The following PALM2AKAP2 variants were observed in gnomAD, a reference collection of about 807,000 sequenced individuals.
PALM2AKAP2 encodes the protein PALM2 and AKAP2 fusion.
In PALM2AKAP2, 37 loss-of-function variants were observed where a neutral mutation model predicts 71.5. That is an observed-to-expected ratio of 0.52 (90% CI 0.40 to 0.68). PALM2AKAP2 has a LOEUF of 0.68. Among genes scored for constraint, PALM2AKAP2 ranks in the 30% least tolerant of loss-of-function variants. The pLI is 0.00. For synonymous variants in PALM2AKAP2, 468 were observed against 478.8 expected (o/e 0.98, Z 0.29); for missense variants, 1,224 against 1,191.8 (o/e 1.03, Z -0.40).
At chr9:109,942,840 A>T (rs1262538823) in intron 6 of PALM2AKAP2, 2 of 1,614,212 alleles carry the variant, frequency 1.2e-6, no homozygotes, top group Admixed American at 1.7e-5. Context: ...TGCGCTCAGG[A>T]GGCACCGTAG....
chr9:109,960,651 C>T lies in PALM2AKAP2; in HGVS notation c.496+28623C>T, dbSNP rs73657315. Reference sequence around the variant, plus strand: ...AAAGATGTAATGCTATCTTTTGGCTCCCAAGAGTCAGTAGGAAGGATGGGA... The same window carrying T: ...AAAGATGTAATGCTATCTTTTGGCTTCCAAGAGTCAGTAGGAAGGATGGGA... On this transcript the variant is annotated intron_variant, in intron 6 of 9. Coordinates refer to the PALM2AKAP2 transcript ENST00000302798. Among the ~76,000 whole-genome samples, 497 of 152,222 alleles carry T rather than the reference C, an allele frequency of 3.3e-3. 4 individuals are homozygous for T. Among genetic ancestry groups the T allele is most frequent in the African/African-American group, 0.011 (466 of 41,516 alleles).
intron 1 of PALM2AKAP2, among the ~76,000 whole-genome samples, chr9:110,053,575 GA>G (rs1202321273): frequency 7.0e-6 from 1 of 142,054 alleles, no homozygotes; most frequent in Non-Finnish European, 1.6e-5. Flanking sequence ...GAAAGAAAAA[GA>G]AAAAAAGAGA....
intron 6 of PALM2AKAP2, among the ~76,000 whole-genome samples, chr9:109,997,015 C>G (rs115599740): frequency 0.014 from 2,081 of 152,014 alleles, 50 homozygotes; most frequent in African/African-American, 0.048. Flanking sequence ...GTGGTGAGAC[C>G]CCATCTCTAC....
At chr9:110,089,624 A>G (rs998165896) in intron 1 of PALM2AKAP2, among the ~76,000 whole-genome samples, 3 of 152,234 alleles carry the variant, frequency 2.0e-5, no homozygotes, top group Non-Finnish European at 4.4e-5. Context: ...TTAGGAGGCT[A>G]GAATTGTATT....
intron 7 of PALM2AKAP2, among the ~76,000 whole-genome samples, chr9:110,031,531 A>G (rs528953065): frequency 6.6e-6 from 1 of 152,284 alleles, no homozygotes; most frequent in South Asian, 2.1e-4. Context: ...AGAACTTCCC[A>G]TGTGTCAGGT....
intron 1 of PALM2AKAP2, among the ~76,000 whole-genome samples, chr9:109,770,053 C>T (rs920055263): frequency 1.3e-5 from 2 of 152,114 alleles, no homozygotes; most frequent in Non-Finnish European, 2.9e-5. Flanking sequence ...CTTTTCTGTG[C>T]CATCAACAGT....
intron 7 of PALM2AKAP2, among the ~76,000 whole-genome samples, chr9:110,042,317 T>C (rs1192715648): frequency 2.0e-5 from 3 of 152,116 alleles, no homozygotes; most frequent in Non-Finnish European, 2.9e-5. Flanking sequence ...TCCCAGCTAC[T>C]TGGGAGGCTG....
In PALM2AKAP2 at chr9:109,819,028, A is replaced by G. The variant is rs1315192384; in HGVS notation, c.45+38495A>G. ...TCCATTGGAAAAAAATCCTTTGCAG[A>G]GTCCCAATTTGAGAAAAAATACATT... On this transcript the variant is annotated intron_variant, in intron 1 of 9. Transcript: ENST00000302798. Among the ~76,000 whole-genome samples the G allele has an allele frequency of 8.4e-4, 128 of 152,356 alleles. 1 individual carries two copies. The highest frequency in any genetic ancestry group is 8.8e-5 in the Non-Finnish European group (6 of 68,034).
intron 3 of PALM2AKAP2, among the ~76,000 whole-genome samples, chr9:109,882,572 A>G (rs1229040268): frequency 1.3e-5 from 2 of 152,222 alleles, no homozygotes; most frequent in South Asian, 2.1e-4. Context: ...AGGTGTTATT[A>G]TAGACAGAAG....
chr9:110,004,996 A>G (rs1361624190), intron 6 of PALM2AKAP2, among the ~76,000 whole-genome samples: 14 of 152,152 alleles, frequency 9.2e-5, no homozygotes, highest in Non-Finnish European at 1.9e-4. Flanking sequence ...AGCTCGGAGT[A>G]GTTTGATCGT....
chr9:110,123,449 AC>A (rs1835532859), intron 1 of PALM2AKAP2, among the ~76,000 whole-genome samples: 2 of 152,250 alleles, frequency 1.3e-5, no homozygotes, highest in Admixed American at 1.3e-4. Flanking sequence ...ATTAGGGCCC[AC>A]CCTGGTGACC....
At chr9:110,096,749 C>G (rs987658052) in intron 1 of PALM2AKAP2, among the ~76,000 whole-genome samples, 80 of 147,164 alleles carry the variant, frequency 5.4e-4, no homozygotes, top group African/African-American at 2.0e-3. Flanking sequence ...TCTTTCTGCT[C>G]TTCCTGCTTT....
chr9:109,882,711 T>C (rs554683094), intron 3 of PALM2AKAP2, among the ~76,000 whole-genome samples: 1 of 152,144 alleles, frequency 6.6e-6, no homozygotes, highest in Non-Finnish European at 1.5e-5. Context: ...GGTGCGATCA[T>C]AGCTCACTGC....
intron 3 of PALM2AKAP2, among the ~76,000 whole-genome samples, chr9:109,884,471 A>G (rs560013809): frequency 6.6e-6 from 1 of 152,340 alleles, no homozygotes; most frequent in Non-Finnish European, 1.5e-5. Context: ...AAAGAATAAA[A>G]ATAAAAATAA....
intron 1 of PALM2AKAP2, among the ~76,000 whole-genome samples, chr9:109,675,693 A>G (rs1358806996): frequency 1.3e-5 from 2 of 152,146 alleles, no homozygotes; most frequent in Non-Finnish European, 2.9e-5. Context: ...TCATTGTTTT[A>G]ATTATAACAT....
At chr9:110,099,585 A>T (rs1834942196) in intron 1 of PALM2AKAP2, among the ~76,000 whole-genome samples, 1 of 152,224 alleles carries the variant, frequency 6.6e-6, no homozygotes, top group African/African-American at 2.4e-5. Context: ...TTTTCCTAGC[A>T]GATGGGTGGC....
intron 1 of PALM2AKAP2, among the ~76,000 whole-genome samples, chr9:110,115,944 C>G (rs1016320353): frequency 1.3e-5 from 2 of 152,122 alleles, no homozygotes; most frequent in Non-Finnish European, 2.9e-5. Context: ...TTTCTTTCTC[C>G]TCTGGCATTG....
exon 2 of PALM2AKAP2, chr9:110,136,505 C>T: frequency 3.7e-6 from 6 of 1,613,922 alleles, no homozygotes; most frequent in Non-Finnish European, 5.1e-6. Context: ...GGTGGGCGGC[C>T]TAAGCCCCCC....
At chr9:109,763,763 C>T (rs114720218) in intron 1 of PALM2AKAP2, among the ~76,000 whole-genome samples, 6,072 of 152,094 alleles carry the variant, frequency 0.04, 172 homozygotes, top group African/African-American at 0.078. Flanking sequence ...GATGCATAGG[C>T]CCTCAATGTG....
Sources: gnomAD v4.1 joint callset for allele counts (sites outside exome capture counted in the v4.1 genomes callset) on GRCh38, gnomAD v4.1.1 for gene constraint, MANE v1.5 for transcripts, NCBI Gene and HGNC (gene_info 2026-07-23, HGNC 2026-07-21) for gene names.